Variants in GABRG1 observed in about 807,000 individuals in gnomAD.
The protein encoded by GABRG1 is gamma-aminobutyric acid receptor subunit gamma-1.
GABRG1 carries 49 observed loss-of-function variants against 49.8 expected under a neutral mutation model. The ratio of observed to expected loss-of-function variants is 0.98; its 90% CI spans 0.78 to 1.25. The LOEUF is 1.25. Among genes scored for constraint, GABRG1 ranks in the 50% most tolerant of loss-of-function variants. GABRG1 has a pLI of 0.00. For missense variants in GABRG1, 552 were observed against 552.3 expected (o/e 1.00, Z 0.01); for synonymous variants, 232 against 185.1 (o/e 1.25, Z -2.06).
At chr4:46,071,186 C>T (rs533584648) in intron 3 of GABRG1, among the ~76,000 whole-genome samples, 4 of 151,906 alleles carry the variant, frequency 2.6e-5, no homozygotes, top group Admixed American at 6.6e-5. Context: ...ATGCACAGTG[C>T]ATAGTATTTG....
intron 1 of GABRG1, among the ~76,000 whole-genome samples, chr4:46,107,165 A>AT (rs1418675389): frequency 6.6e-6 from 1 of 151,052 alleles, no homozygotes; most frequent in Admixed American, 6.6e-5. Context: ...CATTCATTCC[A>AT]TTTTTTGTAC....
At chr4:46,085,594 C>A (rs1405759453) in intron 2 of GABRG1, among the ~76,000 whole-genome samples, 1 of 151,350 alleles carries the variant, frequency 6.6e-6, no homozygotes, top group Non-Finnish European at 1.5e-5. Context: ...CAGCAACCGA[C>A]AAAGATGAAT....
At chr4:46,095,541 A>G (rs1210955440) in intron 2 of GABRG1, among the ~76,000 whole-genome samples, 2 of 151,816 alleles carry the variant, frequency 1.3e-5, no homozygotes, top group African/African-American at 4.8e-5. Context: ...GAGGAAAAAA[A>G]AAGACTAAGT....
intron 5 of GABRG1, among the ~76,000 whole-genome samples, chr4:46,058,910 G>A (rs1422865231): frequency 6.6e-6 from 1 of 151,848 alleles, no homozygotes; most frequent in Non-Finnish European, 1.5e-5. Flanking sequence ...CCAATCTAGA[G>A]GTAATAACTA....
At chr4:46,066,854 T>C (rs1285224000) in intron 3 of GABRG1, among the ~76,000 whole-genome samples, 2 of 151,106 alleles carry the variant, frequency 1.3e-5, no homozygotes, top group African/African-American at 4.9e-5. Flanking sequence ...TATATATATG[T>C]ACTATATATA....
chr4:46,044,213 C>CTGTA (rs1717899521), intron 8 of GABRG1, among the ~76,000 whole-genome samples: 1 of 152,098 alleles, frequency 6.6e-6, no homozygotes, highest in African/African-American at 2.4e-5. Context: ...TGGCTCACAC[C>CTGTA]TGTAATCCCA....
At chr4:46,059,041 C>A (rs1718565412) in intron 5 of GABRG1, among the ~76,000 whole-genome samples, 1 of 152,042 alleles carries the variant, frequency 6.6e-6, no homozygotes, top group Non-Finnish European at 1.5e-5. Context: ...TTAAGGCATT[C>A]TTTGGCATAT....
chr4:46,096,556 A>G (rs1720169523), intron 2 of GABRG1, among the ~76,000 whole-genome samples: 1 of 151,706 alleles, frequency 6.6e-6, no homozygotes, highest in African/African-American at 2.4e-5. Flanking sequence ...TTTCTTAAAC[A>G]CACTTCTGTC....
At chr4:46,044,298 C>A (rs1717903440) in intron 8 of GABRG1, among the ~76,000 whole-genome samples, 1 of 151,996 alleles carries the variant, frequency 6.6e-6, no homozygotes, top group African/African-American at 2.4e-5. Context: ...CATGGCAAAA[C>A]CCTGTATCCA....
intron 8 of GABRG1, among the ~76,000 whole-genome samples, chr4:46,045,954 A>G (rs1717981806): frequency 6.6e-6 from 1 of 152,140 alleles, no homozygotes. Flanking sequence ...CCAAAGAGTT[A>G]TAGATACCTG....
At chr4:46,060,725 C>A (rs1338534866) in intron 5 of GABRG1, among the ~76,000 whole-genome samples, 1 of 151,920 alleles carries the variant, frequency 6.6e-6, no homozygotes, top group East Asian at 1.9e-4. Context: ...TTTATCTTTC[C>A]TTTTCTCCAT....
Position 46,041,175 on chromosome 4 carries a change from T to C in GABRG1, c.1211A>G (p.Tyr404Cys). 2 of 1,613,064 alleles carry C rather than the reference T, an allele frequency of 1.2e-6. No homozygotes were observed. The highest frequency in any genetic ancestry group is 1.7e-6 in the Non-Finnish European group (2 of 1,179,336). ...ISVPQEDDYGYQCLEGKDCAS... is the reference protein window; with the variant it reads ...ISVPQEDDYGCQCLEGKDCAS... ...ACAATCTTTGCCCTCCAAACACTGA[T>C]ACCCATAATCATCTTCTTGCGGCAC... Residue 404 changes from tyrosine (Y) to cysteine (C), a missense_variant, in exon 9 of 9, where the codon TAT (tyrosine) becomes TGT (cysteine). Tyr to Cys is a radical substitution (Grantham distance 194). Coordinates refer to ENST00000295452, the MANE Select transcript of GABRG1 (RefSeq NM_173536.4).
intron 1 of GABRG1, among the ~76,000 whole-genome samples, chr4:46,104,381 T>C (rs1185481001): frequency 6.6e-6 from 1 of 151,576 alleles, no homozygotes; most frequent in African/African-American, 2.4e-5. Flanking sequence ...TCAGATATTA[T>C]AAATGTTAAG....
At chr4:46,119,414 T>A (rs1250431481) in intron 1 of GABRG1, among the ~76,000 whole-genome samples, 1 of 151,498 alleles carries the variant, frequency 6.6e-6, no homozygotes, top group East Asian at 1.9e-4. Context: ...GGGATTTAAG[T>A]TTCGGTTTCA....
At chr4:46,091,242 G>A (rs892103110) in intron 2 of GABRG1, among the ~76,000 whole-genome samples, 1 of 151,980 alleles carries the variant, frequency 6.6e-6, no homozygotes, top group African/African-American at 2.4e-5. Context: ...CTTTACCAAG[G>A]AAATTACGCT....
chr4:46,061,289 T>C (rs1202039282), intron 5 of GABRG1, among the ~76,000 whole-genome samples: 2 of 151,912 alleles, frequency 1.3e-5, no homozygotes, highest in African/African-American at 4.8e-5. Context: ...ATCATTAATA[T>C]AAAAGAATGC....
intron 3 of GABRG1, among the ~76,000 whole-genome samples, chr4:46,073,855 T>C (rs1215964358): frequency 6.6e-6 from 1 of 152,142 alleles, no homozygotes; most frequent in Non-Finnish European, 1.5e-5. Context: ...GAATGTGATC[T>C]CTACCTTCTT....
chr4:46,061,457 T>A (rs970655213), intron 5 of GABRG1, among the ~76,000 whole-genome samples: 1 of 152,092 alleles, frequency 6.6e-6, no homozygotes, highest in Non-Finnish European at 1.5e-5. Flanking sequence ...GTGAAAACAA[T>A]AAATTTCAAA....
At chr4:46,048,370 AGAAGGAAGGAAGGAAGGAAGGAAGGAAG>A (rs143416418) in intron 8 of GABRG1, among the ~76,000 whole-genome samples, 3 of 121,330 alleles carry the variant, frequency 2.5e-5, no homozygotes, top group African/African-American at 6.1e-5. Context: ...AATGGAATAG[AGAAGGAAGGAAGGAAGGAAGGAAGGAAG>A]GAAGGAAGGA....
Sources: allele counts gnomAD v4.1 joint callset (sites outside exome capture counted in the v4.1 genomes callset), GRCh38; gene constraint gnomAD v4.1.1; transcripts MANE v1.5; gene names NCBI Gene and HGNC (gene_info 2026-07-23, HGNC 2026-07-21).